SLC33A1: variants seen among roughly 807,000 people sequenced by gnomAD.
SLC33A1 encodes the protein acetyl-coenzyme A transporter 1.
SLC33A1 carries 20 observed loss-of-function variants against 50.0 expected under a neutral mutation model. The ratio of observed to expected loss-of-function variants is 0.40; its 90% CI spans 0.28 to 0.58. The LOEUF is 0.58. Ranked by LOEUF, SLC33A1 falls within the 20% of genes least tolerant of loss-of-function variation. The probability of loss-of-function intolerance (pLI) is 0.44; values close to 1 mark genes in which losing one functional copy is unlikely to be tolerated. For synonymous variants in SLC33A1, 265 were observed against 251.8 expected, an observed-to-expected ratio of 1.05 and a Z score of -0.50; for missense variants, 476 against 657.0, an observed-to-expected ratio of 0.72 and a Z score of 3.01.
At chr3:155,845,457 G>A (rs541787342) in intron 1 of SLC33A1, among the ~76,000 whole-genome samples, 2 of 152,092 alleles carry the variant, frequency 1.3e-5, no homozygotes, top group African/African-American at 2.4e-5. Flanking sequence ...CTCCCAAAAT[G>A]TTGAGATTAC....
intron 1 of SLC33A1, among the ~76,000 whole-genome samples, chr3:155,850,061 T>C (rs2108007170): frequency 6.6e-6 from 1 of 151,410 alleles, no homozygotes; most frequent in South Asian, 2.1e-4. Flanking sequence ...CAGGCTGGAG[T>C]GCAGTGGCGC....
At chr3:155,848,974 G>A (rs376998263) in intron 1 of SLC33A1, among the ~76,000 whole-genome samples, 1 of 152,074 alleles carries the variant, frequency 6.6e-6, no homozygotes, top group African/African-American at 2.4e-5. Flanking sequence ...GTGCAGTGGT[G>A]TGATCTCGGC....
In SLC33A1 at chr3:155,821,351, G is replaced by A. The variant is rs1752082476; in HGVS notation, c.*6859C>T. 6.6e-6 allele frequency: 1 copy of A among 152,158 alleles called. No individual in the cohort carries two copies. The highest frequency in any genetic ancestry group is 1.5e-5 in the Non-Finnish European group (1 of 68,030). 9.4% of individuals were successfully genotyped at this position (152,158 alleles called of 1,614,324 possible). ...CTCAACAATGACAGCTTTCAACATT[G>A]AGTATTTTTTCCAATTTTACACTAA... is the stretch of plus-strand genomic sequence containing the variant. On this transcript the variant is annotated 3_prime_UTR_variant, in exon 6 of 6. Transcript: ENST00000643144.
At chr3:155,833,333 G>C (rs768689327) in intron 4 of SLC33A1, 135 bp downstream of exon 4, 1 of 734,468 alleles carries the variant, frequency 1.4e-6, no homozygotes, top group Non-Finnish European at 2.5e-6. Context: ...AGTTTAAAGC[G>C]CACCATCAAT....
chr3:155,830,160 G>A (rs924713881), intron 4 of SLC33A1, among the ~76,000 whole-genome samples: 5 of 150,322 alleles, frequency 3.3e-5, no homozygotes, highest in African/African-American at 9.8e-5. Context: ...TCAGGAGATC[G>A]AGACCATCCT....
At chr3:155,840,497 CA>C (rs1056435500) in intron 2 of SLC33A1, among the ~76,000 whole-genome samples, 2 of 152,016 alleles carry the variant, frequency 1.3e-5, no homozygotes, top group African/African-American at 4.8e-5. Flanking sequence ...GCCTGGTCAA[CA>C]GGGTGAAACC....
intron 1 of SLC33A1, among the ~76,000 whole-genome samples, chr3:155,852,393 C>A (rs1045377569): frequency 9.9e-5 from 15 of 152,170 alleles, no homozygotes; most frequent in African/African-American, 3.6e-4. Flanking sequence ...TTTTTTAGAA[C>A]TTACCCTCCA....
At chr3:155,850,797 A>C (rs1298738695) in intron 1 of SLC33A1, among the ~76,000 whole-genome samples, 2 of 151,546 alleles carry the variant, frequency 1.3e-5, no homozygotes, top group African/African-American at 4.8e-5. Context: ...TTGTATTTTT[A>C]ATAGAGAAGG....
At chr3:155,841,690 A>AT (rs984791190) in intron 2 of SLC33A1, among the ~76,000 whole-genome samples, 1 of 151,944 alleles carries the variant, frequency 6.6e-6, no homozygotes, top group Non-Finnish European at 1.5e-5. Context: ...AATTCAATGG[A>AT]TTTTTAAAAA....
At chr3:155,848,024 T>G (rs1337747773) in intron 1 of SLC33A1, among the ~76,000 whole-genome samples, 1 of 152,184 alleles carries the variant, frequency 6.6e-6, no homozygotes, top group Non-Finnish European at 1.5e-5. Flanking sequence ...CACTTCTAAT[T>G]GTTACTACTG....
In SLC33A1 at chr3:155,837,853, TA is replaced by T. The variant is rs373386723; in HGVS notation, c.964-3813del. On this transcript the variant is annotated intron_variant, in intron 2 of 5. Coordinates refer to ENST00000643144, the MANE Select transcript of SLC33A1 (RefSeq NM_004733.4). The stretch of plus-strand genomic sequence containing the variant: ...TATTAAAAGTTAGGAGATATGTTAT[TA>T]GGGGGGAAGTTTAAAAGAAGAAAAC... Among the ~76,000 whole-genome samples, 88 of 152,246 alleles carry T rather than the reference TA, an allele frequency of 5.8e-4. No homozygotes were observed. The East Asian group carries it at 6.4e-3, about 11-fold the overall frequency.
intron 2 of SLC33A1, 60 bp from the exon 3 acceptor site, chr3:155,834,101 G>A: frequency 1.4e-6 from 2 of 1,381,628 alleles, no homozygotes; most frequent in South Asian, 1.2e-5. Flanking sequence ...TTTCCTCCAT[G>A]CATATGTAAG....
intron 5 of SLC33A1, among the ~76,000 whole-genome samples, chr3:155,829,411 A>G (rs1416797866): frequency 6.6e-6 from 1 of 152,184 alleles, no homozygotes; most frequent in Non-Finnish European, 1.5e-5. Flanking sequence ...TTATGCATTT[A>G]TATAGTGCCT....
rs1753515685 is a variant in SLC33A1 at position 155,853,841 on chromosome 3, G to C, written c.157C>G (p.Leu53Val). ...AAGTCGCCAGTGCCGGTATCCCCCA[G>C]AAGAGCTTCTCTGTCCCCTTCCCGG... Reference protein sequence around the residue: ...AGREGDREALLGDTGTGDFLK... With the variant: ...AGREGDREALVGDTGTGDFLK... The change falls in exon 1 of 6, where the codon CTG (leucine) becomes GTG (valine). Residue 53 changes from leucine to valine, a missense_variant. Transcript: ENST00000643144. 1.2e-6 allele frequency: 2 copies of C among 1,604,490 alleles called. No homozygotes were observed. Among genetic ancestry groups the C allele is most frequent in the South Asian group, 1.1e-5 (1 of 90,150 alleles).
intron 4 of SLC33A1, among the ~76,000 whole-genome samples, chr3:155,830,943 T>C (rs1459569914): frequency 1.3e-5 from 2 of 152,180 alleles, no homozygotes; most frequent in Non-Finnish European, 2.9e-5. Context: ...GGTATTCCTT[T>C]GAATAGTGTT....
intron 1 of SLC33A1, among the ~76,000 whole-genome samples, chr3:155,846,837 T>C (rs1004121844): frequency 2.6e-5 from 4 of 152,152 alleles, no homozygotes; most frequent in South Asian, 2.1e-4. Context: ...GAAATTCAAA[T>C]GCACAGGATA....
At chr3:155,841,393 A>G (rs537727437) in intron 2 of SLC33A1, among the ~76,000 whole-genome samples, 3 of 152,264 alleles carry the variant, frequency 2.0e-5, no homozygotes, top group East Asian at 3.9e-4. Context: ...ACTATTTAAA[A>G]TGAAAACAAT....
chr3:155,853,235 C>T lies in SLC33A1; in HGVS notation c.763G>A (p.Val255Ile), dbSNP rs1173522838. The change falls in exon 1 of 6, where the codon GTT (valine) becomes ATT (isoleucine). Residue 255 changes from valine (V) to isoleucine (I), a missense_variant. Val to Ile is a conservative substitution (Grantham distance 29). Transcript: ENST00000643144. Reference sequence around the variant, plus strand: ...TTAAATACACTACCTGAAAGAGTAACGATTCCTCTGGGTTGAGGCTGAAAC... The same window carrying T: ...TTAAATACACTACCTGAAAGAGTAATGATTCCTCTGGGTTGAGGCTGAAAC... ...LRFQPQPRGI[V>I]TLSDFLFFWG... The T allele has an allele frequency of 1.4e-5, 22 of 1,613,400 alleles. No individual in the cohort carries two copies. Among genetic ancestry groups the T allele is most frequent in the Non-Finnish European group, 1.9e-5 (22 of 1,179,594 alleles).
intron 1 of SLC33A1, among the ~76,000 whole-genome samples, chr3:155,849,593 A>G (rs1349789639): frequency 6.6e-6 from 1 of 151,918 alleles, no homozygotes; most frequent in Non-Finnish European, 1.5e-5. Context: ...ACAGGAAAAA[A>G]AAAAAAAGGG....
Sources: allele counts gnomAD v4.1 joint callset (sites outside exome capture counted in the v4.1 genomes callset), GRCh38; gene constraint gnomAD v4.1.1; transcripts MANE v1.5; gene names NCBI Gene and HGNC (gene_info 2026-07-23, HGNC 2026-07-21).